The following MEGF6 variants were observed in gnomAD, a reference collection of about 807,000 sequenced individuals.
MEGF6 encodes the protein multiple EGF like domains 6, also known as multiple epidermal growth factor-like domains protein 6.
In MEGF6, 184 loss-of-function variants were observed where a neutral mutation model predicts 207.1. The ratio of observed to expected loss-of-function variants is 0.89; its 90% CI spans 0.79 to 1.00. MEGF6 has a LOEUF of 1.00. Ranked by LOEUF, MEGF6 falls within the 50% of genes least tolerant of loss-of-function variation. The pLI, the probability that MEGF6 is intolerant of heterozygous loss-of-function variation, is 0.00. For missense variants in MEGF6, 2,282 were observed against 2,202.9 expected (o/e 1.04, Z -0.72); for synonymous variants, 1,038 against 910.0 (o/e 1.14, Z -2.53).
At chr1:3,588,941 A>G (rs558279794) in intron 3 of MEGF6, among the ~76,000 whole-genome samples, 107 of 152,152 alleles carry the variant, frequency 7.0e-4, no homozygotes, top group African/African-American at 2.5e-3. Context: ...CCCCAGGCCT[A>G]TCCCCCTGTG....
rs1476704446 is a variant in MEGF6 at position 3,501,289 on chromosome 1, C to T, written c.2334G>A (p.Trp778Ter). Residue 778 changes from tryptophan (W) to a stop codon, truncating the protein, a stop_gained, in exon 19 of 37, where the codon TGG becomes TGA. Transcript: ENST00000356575. LOFTEE classifies it high-confidence loss of function. Reference sequence around the variant, plus strand: ...GGCAGATCTCCTGGCAGCCCAGCCCCCAGCGGCCCTCGGGACAATCTAGTG... The same window carrying T: ...GGCAGATCTCCTGGCAGCCCAGCCCTCAGCGGCCCTCGGGACAATCTAGTG... ...DCEADCPEGR[W>*]GLGCQEICPA... The T allele has an allele frequency of 6.2e-7, 1 of 1,602,604 alleles. No homozygotes were observed. Among genetic ancestry groups the T allele is most frequent in the Non-Finnish European group, 8.5e-7 (1 of 1,175,348 alleles).
intron 4 of MEGF6, among the ~76,000 whole-genome samples, chr1:3,544,891 G>T (rs1642652269): frequency 6.6e-6 from 1 of 152,218 alleles, no homozygotes; most frequent in African/African-American, 2.4e-5. Flanking sequence ...GGGGGCAGGT[G>T]GCACTCAGGG....
At chr1:3,568,382 G>A (rs1643408408) in intron 4 of MEGF6, among the ~76,000 whole-genome samples, 1 of 151,874 alleles carries the variant, frequency 6.6e-6, no homozygotes, top group Admixed American at 6.6e-5. Flanking sequence ...GTCCCACATG[G>A]GGGCTTCAGT....
intron 2 of MEGF6, among the ~76,000 whole-genome samples, chr1:3,601,531 C>T (rs1424678401): frequency 6.6e-6 from 1 of 152,188 alleles, no homozygotes; most frequent in Non-Finnish European, 1.5e-5. Context: ...TGGTACTGGG[C>T]CGGGTCGTCT....
chr1:3,494,883 C>T (rs1375629264), intron 30 of MEGF6, 142 bp from the exon 31 acceptor site: 2 of 1,286,614 alleles, frequency 1.6e-6, no homozygotes, highest in African/African-American at 3.0e-5. Context: ...TGGGCGGGCA[C>T]ATGCCAGGGA....
intron 5 of MEGF6, among the ~76,000 whole-genome samples, chr1:3,523,079 G>GGC (rs1553195919): frequency 1.3e-5 from 2 of 151,702 alleles, no homozygotes; most frequent in Admixed American, 6.6e-5. Flanking sequence ...TGTGCCGGGG[G>GGC]GGGGGCCCCA....
At chr1:3,526,398 A>ATTTTTT (rs57377827) in intron 4 of MEGF6, among the ~76,000 whole-genome samples, 1 of 130,924 alleles carries the variant, frequency 7.6e-6, no homozygotes, top group Non-Finnish European at 1.6e-5. Flanking sequence ...GGTGACACCT[A>ATTTTTT]TTTTTTTTTT....
At chr1:3,500,791 C>A in intron 20 of MEGF6, 27 bp from the exon 21 acceptor site, 1 of 1,601,428 alleles carries the variant, frequency 6.2e-7, no homozygotes, top group Non-Finnish European at 8.5e-7. Context: ...GGTCACCCGG[C>A]GCAGGCCCAA....
At chr1:3,521,146 G>A (rs1641732492) in intron 5 of MEGF6, among the ~76,000 whole-genome samples, 1 of 152,138 alleles carries the variant, frequency 6.6e-6, no homozygotes. Context: ...GGCAGGCCTG[G>A]GGGAGGGGCT....
intron 23 of MEGF6, 54 bp from the exon 24 acceptor site, chr1:3,499,320 G>T: frequency 6.4e-7 from 1 of 1,551,748 alleles, no homozygotes; most frequent in South Asian, 1.2e-5. Flanking sequence ...CCCAGGGGTT[G>T]GCAGCAGATC....
intron 4 of MEGF6, among the ~76,000 whole-genome samples, chr1:3,561,943 G>A (rs947959065): frequency 6.6e-6 from 1 of 152,204 alleles, no homozygotes; most frequent in Admixed American, 6.5e-5. Flanking sequence ...ACATTCCTTG[G>A]TTCCTCCAAA....
At chr1:3,557,425 G>A (rs906554654) in intron 4 of MEGF6, among the ~76,000 whole-genome samples, 2 of 152,210 alleles carry the variant, frequency 1.3e-5, no homozygotes, top group East Asian at 1.9e-4. Context: ...AGGGCATCCT[G>A]CCCGGCCAGG....
intron 28 of MEGF6, 50 bp downstream of exon 28, chr1:3,496,938 C>T (rs1409724336): frequency 2.0e-6 from 3 of 1,535,480 alleles, no homozygotes; most frequent in East Asian, 2.5e-5. Flanking sequence ...TGGGGCCCAG[C>T]ACGCCAGGCA....
Position 3,595,411 on chromosome 1 carries a change from G to T in MEGF6, c.303C>A (p.Thr101=). 1 of 1,612,690 alleles carries T rather than the reference G, an allele frequency of 6.2e-7. No homozygotes were observed. Among genetic ancestry groups the T allele is most frequent in the Non-Finnish European group, 8.5e-7 (1 of 1,179,930 alleles). ...ACCTGAGCACGGTCCGGGCCTCCGT[G>T]GTATACACCTGCCTGTAGCCCATGT... The part of the protein sequence containing the change: ...VYYMGYRQVY[T]TEARTVLRCC... The change falls in exon 3 of 37, where the codon ACC becomes ACA. Residue 101 remains threonine (T), a synonymous_variant. Transcript: ENST00000356575.
intron 4 of MEGF6, among the ~76,000 whole-genome samples, chr1:3,540,435 C>T (rs1642480220): frequency 6.6e-6 from 1 of 152,196 alleles, no homozygotes; most frequent in Non-Finnish European, 1.5e-5. Flanking sequence ...GGAACGTGGC[C>T]CCAGCTTTGC....
chr1:3,531,412 G>C (rs983442972), intron 4 of MEGF6: 2 of 1,137,894 alleles, frequency 1.8e-6, no homozygotes, highest in African/African-American at 3.3e-5. Flanking sequence ...GAGCCGCTCT[G>C]GGCCGGGCGC....
intron 21 of MEGF6, 73 bp from the exon 22 acceptor site, chr1:3,499,997 C>A: frequency 6.7e-7 from 1 of 1,484,550 alleles, no homozygotes; most frequent in South Asian, 1.3e-5. Context: ...CGGGCCTTGC[C>A]GCCATCCCCA....
intron 1 of MEGF6, among the ~76,000 whole-genome samples, chr1:3,610,232 G>T (rs982226039): frequency 1.3e-5 from 2 of 152,210 alleles, no homozygotes; most frequent in Admixed American, 6.5e-5. Context: ...CCAGCTCGAC[G>T]TGGCAGCTTC....
upstream of MEGF6, among the ~76,000 whole-genome samples, chr1:3,616,465 G>A (rs559298140): frequency 3.3e-5 from 5 of 152,114 alleles, no homozygotes; most frequent in East Asian, 7.7e-4. Context: ...CGACCACCCC[G>A]GACCGCCCCA....
Sources: gnomAD v4.1 joint callset for allele counts (sites outside exome capture counted in the v4.1 genomes callset) on GRCh38, gnomAD v4.1.1 for gene constraint, MANE v1.5 for transcripts, NCBI Gene and HGNC (gene_info 2026-07-23, HGNC 2026-07-21) for gene names.